The following MBD3L1 variants were observed in gnomAD, a reference collection of about 807,000 sequenced individuals.
MBD3L1 encodes methyl-CpG binding domain protein 3 like 1.
For missense variants in MBD3L1, 203 were observed against 230.1 expected (o/e 0.88, Z 0.76); for synonymous variants, 84 against 85.1 (o/e 0.99, Z 0.07).
At chr19:8,832,942 G>C (rs2044398526) in intron 1 of MBD3L1, 1 of 151,574 alleles carries the variant, frequency 6.6e-6, no homozygotes, top group African/African-American at 2.5e-5. Flanking sequence ...GTGATTGGCA[G>C]AGAGCAGTTC....
At chr19:8,838,051 A>G (rs1472022257) in intron 1 of MBD3L1, among the ~76,000 whole-genome samples, 1 of 151,824 alleles carries the variant, frequency 6.6e-6, no homozygotes, top group East Asian at 1.9e-4. Flanking sequence ...GATTGAGACC[A>G]TCCTGGATAA....
At chr19:8,840,419 G>A (rs960232192) in intron 1 of MBD3L1, among the ~76,000 whole-genome samples, 1 of 151,772 alleles carries the variant, frequency 6.6e-6, no homozygotes, top group East Asian at 1.9e-4. Flanking sequence ...CTCTTCACTC[G>A]GCCTCCCTCA....
intron 1 of MBD3L1, among the ~76,000 whole-genome samples, chr19:8,838,704 C>T (rs1482336491): frequency 1.3e-5 from 2 of 152,124 alleles, no homozygotes; most frequent in Non-Finnish European, 2.9e-5. Flanking sequence ...AAATAATTTC[C>T]CAAGACAGTC....
chr19:8,835,767 A>C (rs192062955), intron 1 of MBD3L1, among the ~76,000 whole-genome samples: 1 of 152,242 alleles, frequency 6.6e-6, no homozygotes, highest in South Asian at 2.1e-4. Flanking sequence ...AAAATTTTGT[A>C]TGTCCCAAAT....
chr19:8,841,152 G>C (rs1362451626), intron 2 of MBD3L1, among the ~76,000 whole-genome samples, 153 bp downstream of exon 2: 6 of 151,082 alleles, frequency 4.0e-5, no homozygotes. Flanking sequence ...TCAGCCTTCC[G>C]AGTAGCTGGG....
chr19:8,833,650 G>A (rs1431439444), intron 1 of MBD3L1: 4 of 152,284 alleles, frequency 2.6e-5, no homozygotes, highest in Non-Finnish European at 5.9e-5. Flanking sequence ...GAAATGGACA[G>A]TGAATGTGAT....
chr19:8,839,721 G>C (rs2044491411), intron 1 of MBD3L1, among the ~76,000 whole-genome samples: 1 of 152,094 alleles, frequency 6.6e-6, no homozygotes, highest in Non-Finnish European at 1.5e-5. Context: ...AGTTGCTGGA[G>C]GTGAGGAGAT....
intron 1 of MBD3L1, among the ~76,000 whole-genome samples, chr19:8,838,252 CAAAAAAAAAAAA>C (rs542318207): frequency 8.5e-4 from 10 of 11,832 alleles, no homozygotes; most frequent in Admixed American, 3.6e-3. Flanking sequence ...GACTCCATCT[CAAAAAAAAAAAA>C]AAAAAAAAAA....
In MBD3L1 at chr19:8,843,180, C is replaced by T. The variant is rs147868443; in HGVS notation, c.502C>T (p.Leu168Phe). Residue 168 changes from leucine (L) to phenylalanine (F), a missense_variant, in exon 3 of 3, where the codon CTC becomes TTC. By Grantham distance (22) the Leu-to-Phe change is conservative. Coordinates refer to ENST00000595891, the MANE Select transcript of MBD3L1 (RefSeq NM_001393532.1). ...EGKVKTVRERLAIALIADGLA... is the reference protein window; with the variant it reads ...EGKVKTVRERFAIALIADGLA... ...GAAAGTGAAGACAGTCAGAGAGAGA[C>T]TCGCAATAGCACTGATTGCGGATGG... The T allele has an allele frequency of 7.1e-5, 115 of 1,613,526 alleles. No individual in the cohort carries two copies. The highest frequency in any genetic ancestry group is 9.2e-5 in the Non-Finnish European group (109 of 1,179,884).
Position 8,842,809 on chromosome 19 carries a change from C to T in MBD3L1, c.131C>T (p.Pro44Leu). The T allele has an allele frequency of 1.2e-6, 2 of 1,614,156 alleles. No individual in the cohort carries two copies. Among genetic ancestry groups the T allele is most frequent in the Non-Finnish European group, 1.7e-6 (2 of 1,180,028 alleles). Residue 44 changes from proline (P) to leucine (L), a missense_variant, in exon 3 of 3, where the codon CCC (proline) becomes CTC (leucine). Physicochemically the swap from Pro to Leu is moderately conservative, Grantham distance 98. Transcript: ENST00000595891. ...TFKRPVTRIT[P>L]HPGNEVRYHQ... ...AAGAGGCCAGTAACGAGAATTACAC[C>T]CCATCCTGGCAATGAGGTCAGATAC...
chr19:8,841,354 G>A (rs188211691), intron 2 of MBD3L1, among the ~76,000 whole-genome samples: 8 of 151,992 alleles, frequency 5.3e-5, no homozygotes, highest in Admixed American at 2.6e-4. Flanking sequence ...TATTGAGGTC[G>A]CAGACCACAG....
At chr19:8,841,772 G>A (rs2044515218) in intron 2 of MBD3L1, among the ~76,000 whole-genome samples, 1 of 152,004 alleles carries the variant, frequency 6.6e-6, no homozygotes, top group African/African-American at 2.4e-5. Context: ...GGCCAGGCTG[G>A]TCTTGAACTC....
intron 2 of MBD3L1, 85 bp from the exon 3 acceptor site, chr19:8,842,572 GA>G: frequency 2.1e-6 from 2 of 959,406 alleles, no homozygotes; most frequent in Non-Finnish European, 3.1e-6. Flanking sequence ...GAGGAAGGAT[GA>G]AAGTCCAGAA....
Position 8,842,724 on chromosome 19 carries a change from T to C in MBD3L1, c.46T>C (p.Cys16Arg), listed in dbSNP as rs548748011. The part of the protein sequence containing the change: ...QRKQRDCVNQ[C>R]KSKPGLSTSI... Reference sequence around the variant, plus strand: ...GAAGCAACGTGACTGTGTAAACCAATGCAAATCAAAGCCTGGCTTGAGCAC... The same window carrying C: ...GAAGCAACGTGACTGTGTAAACCAACGCAAATCAAAGCCTGGCTTGAGCAC... The change falls in exon 3 of 3, where the codon TGC becomes CGC. Residue 16 changes from cysteine to arginine, a missense_variant. Coordinates refer to ENST00000595891, the MANE Select transcript of MBD3L1 (RefSeq NM_001393532.1). The C allele has an allele frequency of 6.2e-6, 10 of 1,614,208 alleles. No individual in the cohort carries two copies. The highest frequency in any genetic ancestry group is 1.3e-5 in the African/African-American group (1 of 75,048).
In MBD3L1 at chr19:8,842,768, G is replaced by A. The variant is rs1396091297; in HGVS notation, c.90G>A (p.Met30Ile). The A allele has an allele frequency of 6.2e-7, 1 of 1,614,060 alleles. No homozygotes were observed. The highest frequency in any genetic ancestry group is 8.5e-7 in the Non-Finnish European group (1 of 1,180,044). ...TGAGCACCTCAATCCCTTTGAGAAT[G>A]TCCAGTTACACATTCAAGAGGCCAG... is the stretch of plus-strand genomic sequence containing the variant. The part of the protein sequence containing the change: ...PGLSTSIPLR[M>I]SSYTFKRPVT... The change falls in exon 3 of 3, where the codon ATG (methionine) becomes ATA (isoleucine). Residue 30 changes from methionine (M) to isoleucine (I), a missense_variant. Met to Ile is a conservative substitution (Grantham distance 10). Transcript: ENST00000595891.
At chr19:8,840,829 A>C (rs554245075) in intron 1 of MBD3L1, 86 bp from the exon 2 acceptor site, 1 of 152,248 alleles carries the variant, frequency 6.6e-6, no homozygotes, top group African/African-American at 2.4e-5. Flanking sequence ...GTTTCTACGC[A>C]TGATGGATTC....
At chr19:8,838,947 T>A (rs1441233459) in intron 1 of MBD3L1, among the ~76,000 whole-genome samples, 1 of 152,152 alleles carries the variant, frequency 6.6e-6, no homozygotes, top group Admixed American at 6.5e-5. Context: ...AGTGGGTTGT[T>A]TGCAGTTAGC....
intron 1 of MBD3L1, among the ~76,000 whole-genome samples, chr19:8,836,348 T>A (rs1415361818): frequency 6.6e-6 from 1 of 151,904 alleles, no homozygotes; most frequent in Non-Finnish European, 1.5e-5. Flanking sequence ...CTTCTTCCTC[T>A]TCCTCCTCCT....
Position 8,843,158 on chromosome 19 carries a change from A to G in MBD3L1, c.480A>G (p.Lys160=), listed in dbSNP as rs1339418176. The G allele has an allele frequency of 6.2e-7, 1 of 1,613,728 alleles. No individual in the cohort carries two copies. The highest frequency in any genetic ancestry group is 1.3e-5 in the African/African-American group (1 of 74,916). ...AAGATATCAGGAAACAGGAAGGGAA[A>G]GTGAAGACAGTCAGAGAGAGACTCG... ...TEEDIRKQEG[K]VKTVRERLAI... Residue 160 remains lysine, a synonymous_variant, in exon 3 of 3, where the codon AAA becomes AAG. Coordinates refer to ENST00000595891, the MANE Select transcript of MBD3L1 (RefSeq NM_001393532.1).
Sources: gnomAD v4.1 joint callset for allele counts (sites outside exome capture counted in the v4.1 genomes callset) on GRCh38, gnomAD v4.1.1 for gene constraint, MANE v1.5 for transcripts, NCBI Gene and HGNC (gene_info 2026-07-23, HGNC 2026-07-21) for gene names.